Variants in PIGK observed in about 807,000 individuals in gnomAD.
PIGK encodes the protein GPI-anchor transamidase.
In PIGK, 42 loss-of-function variants were observed where a neutral mutation model predicts 50.6. The ratio of observed to expected loss-of-function variants is 0.83; its 90% CI spans 0.65 to 1.07. The LOEUF is 1.07. PIGK is among the 50% of genes least tolerant of loss of function. The probability of loss-of-function intolerance (pLI) is 0.00; values close to 1 mark genes in which losing one functional copy is unlikely to be tolerated. For synonymous variants in PIGK, 151 were observed against 156.0 expected (o/e 0.97, Z 0.24); for missense variants, 448 against 488.7 (o/e 0.92, Z 0.78).
Position 77,161,589 on chromosome 1 carries a change from C to A in PIGK, c.702+5G>T. On this transcript the variant is annotated splice_donor_5th_base_variant and intron_variant, in intron 7 of 10. Coordinates refer to ENST00000370812, the MANE Select transcript of PIGK (RefSeq NM_005482.3). The stretch of plus-strand genomic sequence containing the variant: ...ACAGTTTACAAATGGGGAAAATGCA[C>A]ATACCGAGAGTGAATCTTCTCCCAC... 5.4e-6 allele frequency: 7 copies of A among 1,285,952 alleles called. No individual in the cohort carries two copies. Among genetic ancestry groups the A allele is most frequent in the Non-Finnish European group, 7.9e-6 (7 of 880,618 alleles). The allele number at this position is 1,285,952 out of a possible 1,614,324, so 79.7% of individuals were successfully genotyped here.
chr1:77,125,796 A>C (rs1654217753), intron 9 of PIGK, among the ~76,000 whole-genome samples: 1 of 152,164 alleles, frequency 6.6e-6, no homozygotes, highest in Non-Finnish European at 1.5e-5. Flanking sequence ...AACTTTAAAT[A>C]CCATATCTGT....
chr1:77,213,840 C>CA (rs1158527845), intron 1 of PIGK, among the ~76,000 whole-genome samples: 3 of 151,870 alleles, frequency 2.0e-5, no homozygotes, highest in Non-Finnish European at 1.5e-5. Context: ...TATTCAGAAA[C>CA]AAAAAAGGAG....
intron 8 of PIGK, among the ~76,000 whole-genome samples, chr1:77,154,909 T>G (rs930536180): frequency 1.3e-5 from 2 of 152,186 alleles, no homozygotes; most frequent in African/African-American, 4.8e-5. Context: ...TGTGAACCCT[T>G]AACTCTGAGA....
chr1:77,150,560 C>CAAA (rs1654875306), intron 9 of PIGK, among the ~76,000 whole-genome samples: 1 of 150,042 alleles, frequency 6.7e-6, no homozygotes, highest in Non-Finnish European at 1.5e-5. Context: ...ATCAACAAAG[C>CAAA]AAACTGTTAG....
At chr1:77,159,295 G>A (rs567564787) in intron 8 of PIGK, among the ~76,000 whole-genome samples, 16 of 152,284 alleles carry the variant, frequency 1.1e-4, no homozygotes, top group Admixed American at 7.8e-4. Flanking sequence ...TTCAGAGGAT[G>A]TATGGAAATG....
chr1:77,162,383 C>T (rs1655148487), intron 6 of PIGK, among the ~76,000 whole-genome samples: 1 of 152,000 alleles, frequency 6.6e-6, no homozygotes, highest in African/African-American at 2.4e-5. Context: ...GAGAAAAGCA[C>T]ATAATGTAAA....
intron 1 of PIGK, among the ~76,000 whole-genome samples, chr1:77,212,197 T>C (rs572016297): frequency 6.6e-6 from 1 of 152,230 alleles, no homozygotes; most frequent in South Asian, 2.1e-4. Context: ...ATTAAAATAA[T>C]AGTGGATATA....
intron 10 of PIGK, among the ~76,000 whole-genome samples, chr1:77,095,991 T>A (rs1653397346): frequency 6.6e-6 from 1 of 152,138 alleles, no homozygotes; most frequent in South Asian, 2.1e-4. Flanking sequence ...AAATAAATTA[T>A]AATCTGAAGA....
intron 10 of PIGK, among the ~76,000 whole-genome samples, chr1:77,099,441 T>C (rs1382371099): frequency 2.6e-5 from 4 of 152,146 alleles, no homozygotes; most frequent in African/African-American, 9.6e-5. Flanking sequence ...AAAATCTGTA[T>C]TGAAAGACTC....
At chr1:77,174,001 A>C (rs1200003148) in intron 3 of PIGK, among the ~76,000 whole-genome samples, 1 of 152,218 alleles carries the variant, frequency 6.6e-6, no homozygotes, top group East Asian at 1.9e-4. Context: ...CAAACTCAAA[A>C]TTGACTGCTC....
At chr1:77,154,418 T>C (rs758980964) in intron 9 of PIGK, 31 bp downstream of exon 9, 8 of 1,510,110 alleles carry the variant, frequency 5.3e-6, no homozygotes, top group Admixed American at 3.5e-5. Context: ...GAGACTAGTA[T>C]TCTATTCAAA....
chr1:77,107,339 A>G (rs1388370944), intron 10 of PIGK, among the ~76,000 whole-genome samples: 2 of 152,056 alleles, frequency 1.3e-5, no homozygotes, highest in African/African-American at 4.8e-5. Context: ...CCTTCATTTC[A>G]TTATGTACCC....
intron 9 of PIGK, among the ~76,000 whole-genome samples, chr1:77,148,762 T>A (rs1654827035): frequency 6.6e-6 from 1 of 151,682 alleles, no homozygotes; most frequent in Non-Finnish European, 1.5e-5. Context: ...GTCGCCAAGC[T>A]GGAGTGCAGT....
chr1:77,167,855 T>C (rs879620246), intron 4 of PIGK, among the ~76,000 whole-genome samples: 2 of 152,222 alleles, frequency 1.3e-5, no homozygotes, highest in African/African-American at 2.4e-5. Flanking sequence ...GCAGCTAATC[T>C]GTACAACTAC....
intron 10 of PIGK, among the ~76,000 whole-genome samples, chr1:77,108,920 G>A (rs920374392): frequency 1.3e-5 from 2 of 152,080 alleles, no homozygotes; most frequent in Non-Finnish European, 2.9e-5. Context: ...CGTAGTTCTT[G>A]TGCCATGGTT....
chr1:77,195,273 T>G (rs1656006912), intron 3 of PIGK: 1 of 1,333,090 alleles, frequency 7.5e-7, no homozygotes, highest in African/African-American at 1.4e-5. Context: ...CCAGGGTGGC[T>G]GAGGTCCTGG....
chr1:77,187,866 A>G (rs1655786667), intron 3 of PIGK, among the ~76,000 whole-genome samples: 1 of 152,202 alleles, frequency 6.6e-6, no homozygotes, highest in Admixed American at 6.5e-5. Flanking sequence ...TGGACATTTT[A>G]TTAGTTCCCC....
chr1:77,153,850 G>C (rs1242499282), intron 9 of PIGK: 1 of 152,050 alleles, frequency 6.6e-6, no homozygotes, highest in Non-Finnish European at 1.5e-5. Context: ...AAAGTTTCAT[G>C]GCTAACAACA....
At chr1:77,150,355 CA>C (rs1010955398) in intron 9 of PIGK, among the ~76,000 whole-genome samples, 1 of 150,988 alleles carries the variant, frequency 6.6e-6, no homozygotes, top group African/African-American at 2.4e-5. Context: ...CCCATCTCTA[CA>C]AAAAATAAAA....
Sources: allele counts gnomAD v4.1 joint callset (sites outside exome capture counted in the v4.1 genomes callset), GRCh38; gene constraint gnomAD v4.1.1; transcripts MANE v1.5; gene names NCBI Gene and HGNC (gene_info 2026-07-23, HGNC 2026-07-21).